CFAP74: variants seen among roughly 807,000 people sequenced by gnomAD.
CFAP74 encodes cilia- and flagella-associated protein 74.
In CFAP74, 124 loss-of-function variants were observed where a neutral mutation model predicts 188.9. The ratio of observed to expected loss-of-function variants is 0.66; its 90% CI spans 0.57 to 0.76. The LOEUF is 0.76. Among genes scored for constraint, CFAP74 ranks in the 30% least tolerant of loss-of-function variants. The probability of loss-of-function intolerance (pLI) is 0.00; values close to 1 mark genes in which losing one functional copy is unlikely to be tolerated. For missense variants in CFAP74, 2,198 were observed against 2,165.2 expected (o/e 1.02, Z -0.30); for synonymous variants, 956 against 916.7 (o/e 1.04, Z -0.77).
chr1:1,974,330 G>A, intron 6 of CFAP74, 132 bp from the exon 7 acceptor site: 4 of 806,678 alleles, frequency 5.0e-6, no homozygotes, highest in Non-Finnish European at 7.5e-6. Context: ...CCTCCTCTAG[G>A]GGCCATCTCC....
chr1:1,956,607 GT>G lies in CFAP74; in HGVS notation c.2016+12del. On this transcript the variant is annotated intron_variant, in intron 17 of 38. Coordinates refer to ENST00000682832, the MANE Select transcript of CFAP74 (RefSeq NM_001304360.2). ...GGTCCCCACACTCCCCCATGGCTGA[GT>G]GGCACACTCACTAATTTCAGGGCAG... The G allele has an allele frequency of 4.3e-6, 7 of 1,614,110 alleles. No homozygotes were observed. The highest frequency in any genetic ancestry group is 5.9e-6 in the Non-Finnish European group (7 of 1,180,014).
chr1:1,957,395 G>A (rs372785057), intron 16 of CFAP74, among the ~76,000 whole-genome samples: 29 of 152,344 alleles, frequency 1.9e-4, no homozygotes, highest in African/African-American at 6.7e-4. Context: ...CGACGCAAAT[G>A]GACGTGGTTC....
At chr1:1,958,427 G>T (rs1654820578) in intron 16 of CFAP74, among the ~76,000 whole-genome samples, 2 of 152,236 alleles carry the variant, frequency 1.3e-5, no homozygotes, top group Non-Finnish European at 2.9e-5. Flanking sequence ...CCACTCTGGA[G>T]TCCAGCCTGG....
At chr1:1,970,076 G>A (rs1655831706) in intron 10 of CFAP74, among the ~76,000 whole-genome samples, 2 of 152,244 alleles carry the variant, frequency 1.3e-5, no homozygotes, top group Admixed American at 6.5e-5. Flanking sequence ...GCCCAGTGGG[G>A]CCCGTGGGTG....
chr1:1,927,013 C>T lies in CFAP74; in HGVS notation c.3543G>A (p.Gln1181=), dbSNP rs962699701. ...RELRPSSDEY[Q]AARATLLRAF... ...CTCTGAGCAGGGTGGCTCGGGCGGCCTGGTACTCGTCGGAACTAGAAGGAA... is the reference window on the plus strand; with the variant it reads ...CTCTGAGCAGGGTGGCTCGGGCGGCTTGGTACTCGTCGGAACTAGAAGGAA... The change falls in exon 29 of 39, where the codon CAG becomes CAA. Residue 1181 remains glutamine, a synonymous_variant. Coordinates refer to ENST00000682832, the MANE Select transcript of CFAP74 (RefSeq NM_001304360.2). The T allele has an allele frequency of 1.9e-6, 3 of 1,550,092 alleles. No homozygotes were observed. In the African/African-American group the frequency reaches 4.1e-5, roughly 21 times the overall value.
At chr1:1,932,520 G>C (rs573428935) in intron 25 of CFAP74, among the ~76,000 whole-genome samples, 1 of 151,698 alleles carries the variant, frequency 6.6e-6, no homozygotes, top group African/African-American at 2.4e-5. Context: ...CAGCCGTGGC[G>C]CCCAGCACTC....
At chr1:1,959,008 T>C in intron 16 of CFAP74, 112 bp downstream of exon 16, 3 of 711,408 alleles carry the variant, frequency 4.2e-6, no homozygotes, top group Non-Finnish European at 4.8e-6. Flanking sequence ...GATTGGAGCT[T>C]CCACCTGGTC....
chr1:1,928,615 A>G (rs560550307), intron 27 of CFAP74, among the ~76,000 whole-genome samples, 169 bp downstream of exon 27: 2 of 152,264 alleles, frequency 1.3e-5, no homozygotes, highest in African/African-American at 4.8e-5. Flanking sequence ...GGTCTTGGTG[A>G]GCAAGCTTTT....
At chr1:1,974,307 G>C in intron 6 of CFAP74, 109 bp from the exon 7 acceptor site, 1 of 1,125,942 alleles carries the variant, frequency 8.9e-7, no homozygotes, top group Non-Finnish European at 1.3e-6. Context: ...GAACACCCCA[G>C]ATGGGTTAGC....
chr1:1,999,314 A>G (rs1658080944), intron 1 of CFAP74, among the ~76,000 whole-genome samples: 1 of 152,156 alleles, frequency 6.6e-6, no homozygotes, highest in South Asian at 2.1e-4. Flanking sequence ...CACGGAATGG[A>G]CATCTTTGTC....
At chr1:1,996,466 G>C (rs143628341) in intron 1 of CFAP74, among the ~76,000 whole-genome samples, 1 of 152,286 alleles carries the variant, frequency 6.6e-6, no homozygotes, top group Non-Finnish European at 1.5e-5. Flanking sequence ...CAATTCACCA[G>C]GAAGACTCAG....
chr1:1,950,844 C>T (rs1367780632), intron 18 of CFAP74, among the ~76,000 whole-genome samples: 1 of 152,054 alleles, frequency 6.6e-6, no homozygotes, highest in African/African-American at 2.4e-5. Context: ...AACCAGGGGC[C>T]ATAATTTCAA....
At chr1:1,933,292 T>G (rs1300787423) in intron 25 of CFAP74, among the ~76,000 whole-genome samples, 2 of 151,304 alleles carry the variant, frequency 1.3e-5, no homozygotes, top group African/African-American at 4.9e-5. Flanking sequence ...CAAGCGACTC[T>G]CCTGCTTCAG....
chr1:1,988,813 C>A, intron 3 of CFAP74, 76 bp downstream of exon 3: 1 of 692,746 alleles, frequency 1.4e-6, no homozygotes, highest in Non-Finnish European at 2.4e-6. Context: ...CGCCCCGCTC[C>A]CTTCACCCAC....
At chr1:1,965,116 C>A in intron 12 of CFAP74, 55 bp from the exon 13 acceptor site, 3 of 1,546,054 alleles carry the variant, frequency 1.9e-6, no homozygotes, top group Admixed American at 1.9e-5. Context: ...CTGGGCGGCG[C>A]CGGTGGCAGC....
rs1284617048 is a variant in CFAP74, at chr1:1,939,555, C to A, written c.2877+39G>T. 2.3e-5 allele frequency: 35 copies of A among 1,517,532 alleles called. No homozygotes were observed. The Admixed American group carries it at 6.9e-4, about 30-fold the overall frequency. 94.0% of individuals were successfully genotyped at this position (1,517,532 alleles called of 1,614,324 possible). On this transcript the variant is annotated intron_variant, in intron 24 of 38. Coordinates refer to ENST00000682832, the MANE Select transcript of CFAP74 (RefSeq NM_001304360.2). Reference sequence around the variant, plus strand: ...GCATCCTGTCCCCAGGACTTCCCAGCCTCACCCCTCTTACCCCAGGCCTGG... The same window carrying A: ...GCATCCTGTCCCCAGGACTTCCCAGACTCACCCCTCTTACCCCAGGCCTGG...
chr1:1,932,678 C>T (rs1439911466), intron 25 of CFAP74, among the ~76,000 whole-genome samples: 1 of 151,260 alleles, frequency 6.6e-6, no homozygotes, highest in Non-Finnish European at 1.5e-5. Context: ...ACTGCAACCT[C>T]CGCCTCCCGG....
intron 14 of CFAP74, among the ~76,000 whole-genome samples, chr1:1,963,538 T>TACC (rs1558032537): frequency 6.7e-6 from 1 of 149,516 alleles, no homozygotes; most frequent in Non-Finnish European, 1.5e-5. Context: ...CCAGGCAAAG[T>TACC]TCCAGCCATT....
intron 1 of CFAP74, among the ~76,000 whole-genome samples, chr1:1,991,896 C>A (rs553205047): frequency 1.3e-5 from 2 of 151,328 alleles, no homozygotes; most frequent in Non-Finnish European, 2.9e-5. Flanking sequence ...AAAAATTAGC[C>A]GGGCATGGTG....
Sources: allele counts gnomAD v4.1 joint callset (sites outside exome capture counted in the v4.1 genomes callset), GRCh38; gene constraint gnomAD v4.1.1; transcripts MANE v1.5; gene names NCBI Gene and HGNC (gene_info 2026-07-23, HGNC 2026-07-21).